Variants in PRDM6 observed in about 807,000 individuals in gnomAD.
PRDM6 encodes the protein putative histone-lysine N-methyltransferase PRDM6.
In PRDM6, 25 loss-of-function variants were observed where a neutral mutation model predicts 60.8. That is an observed-to-expected ratio of 0.41 (90% CI 0.30 to 0.57). The LOEUF (loss-of-function observed/expected upper bound fraction) is 0.57, where lower values mean the gene tolerates loss of function less well. Ranked by LOEUF, PRDM6 falls within the 20% of genes least tolerant of loss-of-function variation. The pLI is 0.27. For synonymous variants in PRDM6, 407 were observed against 357.4 expected (o/e 1.14, Z -1.57); for missense variants, 839 against 821.3 (o/e 1.02, Z -0.26).
chr5:123,145,369 C>T (rs1310696443), intron 3 of PRDM6, among the ~76,000 whole-genome samples: 1 of 152,158 alleles, frequency 6.6e-6, no homozygotes, highest in Non-Finnish European at 1.5e-5. Flanking sequence ...TTTTAATGCT[C>T]TGCACCAAGC....
chr5:123,135,976 C>T (rs1764941959), intron 3 of PRDM6, among the ~76,000 whole-genome samples: 1 of 152,084 alleles, frequency 6.6e-6, no homozygotes, highest in African/African-American at 2.4e-5. Context: ...TTCACTCGCA[C>T]TAAAGTAAAG....
intron 2 of PRDM6, among the ~76,000 whole-genome samples, chr5:123,097,051 G>T (rs956769028): frequency 6.6e-6 from 1 of 152,256 alleles, no homozygotes; most frequent in Non-Finnish European, 1.5e-5. Flanking sequence ...AATCAGTTAA[G>T]TAACTCCCTG....
intron 3 of PRDM6, among the ~76,000 whole-genome samples, chr5:123,113,470 A>G (rs1445928988): frequency 6.6e-6 from 1 of 152,196 alleles, no homozygotes; most frequent in Non-Finnish European, 1.5e-5. Context: ...AATAAGGTAA[A>G]GACTACTGTA....
At chr5:123,125,389 A>G (rs201327588) in intron 3 of PRDM6, among the ~76,000 whole-genome samples, 1 of 33,742 alleles carries the variant, frequency 3.0e-5, no homozygotes, top group Non-Finnish European at 8.5e-5. Context: ...AAAGCATTGA[A>G]GTTAACAATG....
At position 123,188,143 on chromosome 5, in the gene PRDM6, A is replaced by G. The variant is rs1245141239; in HGVS notation, c.*942A>G. On this transcript the variant is annotated 3_prime_UTR_variant, in exon 8 of 8. Transcript: ENST00000407847. ...AAAATAGTGCCAAACCCCATCGTCA[A>G]GGCCCTTTTAGCAATTTTATCTTTC... 3 of 152,170 alleles carry G rather than the reference A, an allele frequency of 2.0e-5. No homozygotes were observed. The highest frequency in any genetic ancestry group is 7.2e-5 in the African/African-American group (3 of 41,428). The allele number at this position is 152,170 out of a possible 1,614,324, so 9.4% of individuals were successfully genotyped here.
chr5:123,103,142 T>G lies in PRDM6; in HGVS notation c.900+3181T>G, dbSNP rs143382131. Among the ~76,000 whole-genome samples the G allele has an allele frequency of 1.6e-3, 239 of 152,182 alleles. 3 individuals carry two copies. Among genetic ancestry groups the G allele is most frequent in the African/African-American group, 5.6e-3 (232 of 41,568 alleles). On this transcript the variant is annotated intron_variant, in intron 3 of 7. Transcript: ENST00000407847. The stretch of plus-strand genomic sequence containing the variant: ...TTAAAGGAAGTTAAATATCATTTCA[T>G]TATATTCAGTACATTTTGACTCTTC...
At chr5:123,138,406 A>G (rs1765018071) in intron 3 of PRDM6, among the ~76,000 whole-genome samples, 1 of 152,226 alleles carries the variant, frequency 6.6e-6, no homozygotes, top group South Asian at 2.1e-4. Context: ...GCATATGAGC[A>G]TTTACTCATT....
chr5:123,178,397 TGA>T (rs1198628156), intron 6 of PRDM6, among the ~76,000 whole-genome samples: 2 of 152,182 alleles, frequency 1.3e-5, no homozygotes, highest in African/African-American at 4.8e-5. Context: ...AATTCAACCC[TGA>T]GAGAATTATT....
At chr5:123,144,831 G>A (rs573670489) in intron 3 of PRDM6, among the ~76,000 whole-genome samples, 32 of 152,240 alleles carry the variant, frequency 2.1e-4, no homozygotes, top group African/African-American at 7.2e-4. Flanking sequence ...TAGCTGTTTT[G>A]GCTCACTCAC....
intron 3 of PRDM6, among the ~76,000 whole-genome samples, chr5:123,118,783 A>G (rs1764513812): frequency 6.6e-6 from 1 of 152,216 alleles, no homozygotes; most frequent in South Asian, 2.1e-4. Context: ...AGAGGAGTCT[A>G]AGGCAGCAAT....
At chr5:123,180,031 C>G in intron 6 of PRDM6, 116 bp from the exon 7 acceptor site, 1 of 1,024,974 alleles carries the variant, frequency 9.8e-7, no homozygotes, top group Non-Finnish European at 1.4e-6. Flanking sequence ...GCTCTATGCC[C>G]TGTCTTAGAA....
intron 4 of PRDM6, among the ~76,000 whole-genome samples, chr5:123,157,186 A>G (rs1187963802): frequency 6.6e-6 from 1 of 151,824 alleles, no homozygotes; most frequent in Non-Finnish European, 1.5e-5. Context: ...TGTGGGCAGT[A>G]TGTGACTCAC....
At chr5:123,111,514 C>G (rs551884328) in intron 3 of PRDM6, among the ~76,000 whole-genome samples, 1 of 152,114 alleles carries the variant, frequency 6.6e-6, no homozygotes, top group Admixed American at 6.5e-5. Context: ...CTAGCTAACA[C>G]GGTGAAACCC....
chr5:123,112,429 T>G (rs1193552240), intron 3 of PRDM6, among the ~76,000 whole-genome samples: 1 of 152,238 alleles, frequency 6.6e-6, no homozygotes, highest in Non-Finnish European at 1.5e-5. Flanking sequence ...ATCTGCTAAT[T>G]TGCTGATCTT....
At chr5:123,174,276 C>T (rs1016602614) in intron 6 of PRDM6, among the ~76,000 whole-genome samples, 5 of 152,166 alleles carry the variant, frequency 3.3e-5, no homozygotes, top group African/African-American at 1.2e-4. Flanking sequence ...TACGTATATT[C>T]TTTAGTGATT....
intron 4 of PRDM6, among the ~76,000 whole-genome samples, chr5:123,157,480 G>A (rs565859189): frequency 1.3e-5 from 2 of 152,252 alleles, no homozygotes; most frequent in South Asian, 2.1e-4. Flanking sequence ...AGGTGGGCAC[G>A]GGTAAGTCAT....
intron 6 of PRDM6, among the ~76,000 whole-genome samples, chr5:123,175,623 C>G (rs553088781): frequency 1.3e-5 from 2 of 152,236 alleles, no homozygotes; most frequent in South Asian, 2.1e-4. Context: ...CTCACTCCAC[C>G]CAGCCAGCAG....
intron 4 of PRDM6, 56 bp from the exon 5 acceptor site, chr5:123,159,458 T>C (rs13161561): frequency 0.016 from 24,519 of 1,521,966 alleles, 290 homozygotes; most frequent in Middle Eastern, 0.036. Context: ...AAAATATGGA[T>C]GGGGGCACAT....
chr5:123,092,258 TG>T (rs1169028828), intron 2 of PRDM6, among the ~76,000 whole-genome samples: 1 of 152,260 alleles, frequency 6.6e-6, no homozygotes, highest in Non-Finnish European at 1.5e-5. Flanking sequence ...TTTTAAATTA[TG>T]AAATAAAAAG....
Sources: gnomAD v4.1 joint callset for allele counts (sites outside exome capture counted in the v4.1 genomes callset) on GRCh38, gnomAD v4.1.1 for gene constraint, MANE v1.5 for transcripts, NCBI Gene and HGNC (gene_info 2026-07-23, HGNC 2026-07-21) for gene names.